The following PTPRG variants were observed in gnomAD, a reference collection of about 807,000 sequenced individuals.
PTPRG encodes protein tyrosine phosphatase receptor type G.
PTPRG carries 102 observed loss-of-function variants against 165.3 expected under a neutral mutation model. The ratio of observed to expected loss-of-function variants is 0.62; its 90% CI spans 0.53 to 0.73. The LOEUF (loss-of-function observed/expected upper bound fraction) is 0.73, where lower values mean the gene tolerates loss of function less well. PTPRG is among the 30% of genes least tolerant of loss of function. The probability of loss-of-function intolerance (pLI) is 0.00; values close to 1 mark genes in which losing one functional copy is unlikely to be tolerated. For missense variants in PTPRG, 1,866 were observed against 1,861.4 expected (o/e 1.00, Z -0.05); for synonymous variants, 675 against 669.5 (o/e 1.01, Z -0.13).
intron 5 of PTPRG, among the ~76,000 whole-genome samples, chr3:62,128,263 C>G (rs1318515606): frequency 6.6e-6 from 1 of 152,126 alleles, no homozygotes; most frequent in African/African-American, 2.4e-5. Context: ...ATTTTAAGCT[C>G]ATTTGTGCAA....
intron 2 of PTPRG, among the ~76,000 whole-genome samples, chr3:61,892,233 G>T (rs13100946): frequency 0.16 from 24,134 of 152,018 alleles, 4,069 homozygotes; most frequent in African/African-American, 0.43. Flanking sequence ...GTGATTTTTT[G>T]TTTCTTCTTT....
chr3:62,277,417 T>C, intron 25 of PTPRG, 134 bp from the exon 26 acceptor site: 1 of 1,010,452 alleles, frequency 9.9e-7, no homozygotes, highest in Non-Finnish European at 1.4e-6. Flanking sequence ...ATTAGCCAAA[T>C]GTACCGAATG....
rs576724363 is a variant in PTPRG at position 62,296,350 on chromosome 3, C to T, written c.*3043C>T. On this transcript the variant is annotated 3_prime_UTR_variant, in exon 30 of 30. Transcript: ENST00000474889. Reference sequence around the variant, plus strand: ...GGAGTTTTTAGCCCAGAGTGACATACTGAAATCAGTAAATAATTATTTTAT... The same window carrying T: ...GGAGTTTTTAGCCCAGAGTGACATATTGAAATCAGTAAATAATTATTTTAT... 2 of 151,864 alleles carry T rather than the reference C, an allele frequency of 1.3e-5. No homozygotes were observed. Among genetic ancestry groups the T allele is most frequent in the Non-Finnish European group, 2.9e-5 (2 of 67,962 alleles). 9.4% of individuals were successfully genotyped at this position (151,864 alleles called of 1,614,324 possible).
At chr3:61,933,436 A>C (rs752803009) in intron 2 of PTPRG, among the ~76,000 whole-genome samples, 49 of 152,180 alleles carry the variant, frequency 3.2e-4, no homozygotes, top group Non-Finnish European at 8.8e-5. Context: ...TCATCTATAA[A>C]ATAGTCATGA....
chr3:61,968,864 AAAG>A (rs2040328556), intron 2 of PTPRG, among the ~76,000 whole-genome samples: 1 of 152,192 alleles, frequency 6.6e-6, no homozygotes, highest in Non-Finnish European at 1.5e-5. Flanking sequence ...GGTCAACTTT[AAAG>A]AACATTTGTA....
At chr3:62,017,649 C>G (rs1054371949) in intron 4 of PTPRG, among the ~76,000 whole-genome samples, 2 of 151,230 alleles carry the variant, frequency 1.3e-5, no homozygotes, top group African/African-American at 4.9e-5. Flanking sequence ...TGGTCTCGAT[C>G]TCCTGACCTC....
At chr3:62,262,478 T>C (rs377319334) in intron 16 of PTPRG, 117 of 190,866 alleles carry the variant, frequency 6.1e-4, no homozygotes, top group African/African-American at 2.7e-3. Context: ...TTCATCATGT[T>C]TGACTATCTT....
intron 5 of PTPRG, among the ~76,000 whole-genome samples, chr3:62,088,745 A>G (rs764896421): frequency 2.0e-4 from 31 of 152,366 alleles, no homozygotes; most frequent in Non-Finnish European, 3.5e-4. Context: ...TAAAAAACTC[A>G]TAGGAAGATC....
At chr3:61,923,005 G>A (rs915980441) in intron 2 of PTPRG, among the ~76,000 whole-genome samples, 1 of 152,062 alleles carries the variant, frequency 6.6e-6, no homozygotes, top group African/African-American at 2.4e-5. Context: ...ACTACGCCTT[G>A]AATTTTCTTC....
intron 6 of PTPRG, among the ~76,000 whole-genome samples, chr3:62,149,297 A>G (rs890369444): frequency 7.0e-6 from 1 of 142,336 alleles, no homozygotes; most frequent in South Asian, 2.3e-4. Flanking sequence ...CCCTCAAGGC[A>G]AGAGTCTCAC....
chr3:61,652,420 C>T (rs73098799), intron 1 of PTPRG, among the ~76,000 whole-genome samples: 6,860 of 152,072 alleles, frequency 0.045, 237 homozygotes, highest in East Asian at 0.16. Flanking sequence ...TTTACCTCTG[C>T]CTGACTCTGA....
intron 4 of PTPRG, among the ~76,000 whole-genome samples, chr3:62,055,208 A>G (rs917936059): frequency 2.0e-5 from 3 of 152,236 alleles, no homozygotes; most frequent in Non-Finnish European, 2.9e-5. Flanking sequence ...TTAAAGCAGT[A>G]ATTAATATAG....
At chr3:62,001,764 A>G (rs897608592) in intron 3 of PTPRG, among the ~76,000 whole-genome samples, 5 of 152,240 alleles carry the variant, frequency 3.3e-5, no homozygotes, top group African/African-American at 1.2e-4. Flanking sequence ...TCAAATTTAA[A>G]TATCAGTGTG....
intron 5 of PTPRG, among the ~76,000 whole-genome samples, chr3:62,082,470 T>G (rs752980150): frequency 5.9e-5 from 9 of 152,326 alleles, no homozygotes; most frequent in Non-Finnish European, 1.0e-4. Flanking sequence ...GTGTTTATGA[T>G]TCTTTTCTTC....
rs74789197 is a variant in PTPRG, at chr3:62,142,117, G to C, written c.682+9449G>C. 3.1e-4 allele frequency among the ~76,000 whole-genome samples: 46 copies of C among 150,594 alleles called. No homozygotes were observed. In the East Asian group the frequency reaches 8.9e-3, roughly 29 times the overall value. ...AAGTTAAGCAAGGCAGGCTGAATGA[G>C]AACTGGCCTCAAATTCAAACCTAAT... On this transcript the variant is annotated intron_variant, in intron 6 of 29. Transcript: ENST00000474889.
chr3:62,164,477 A>T (rs1704891742), intron 7 of PTPRG, among the ~76,000 whole-genome samples: 1 of 152,152 alleles, frequency 6.6e-6, no homozygotes, highest in Non-Finnish European at 1.5e-5. Flanking sequence ...AATGCCGCCA[A>T]CCCACAGAAG....
rs1173192341 is a variant in PTPRG at position 61,621,051 on chromosome 3, A to ATGTGTG, written c.85+58701_85+58706dup. ...TGTGTGTGTATATATATATATATAT[A>ATGTGTG]TGTGTGTGTGTGTGTGTGTGTGTGT... On this transcript the variant is annotated intron_variant, in intron 1 of 29. Transcript: ENST00000474889. Among the ~76,000 whole-genome samples, 124 of 117,976 alleles carry ATGTGTG rather than the reference A, an allele frequency of 1.1e-3. 2 individuals are homozygous for ATGTGTG. The highest frequency in any genetic ancestry group is 3.4e-3 in the African/African-American group (114 of 33,510). The allele number at this position is 117,976 out of a possible 152,430, so 77.4% of individuals were successfully genotyped here.
intron 5 of PTPRG, among the ~76,000 whole-genome samples, chr3:62,094,465 G>T (rs975111309): frequency 1.3e-5 from 2 of 152,188 alleles, no homozygotes; most frequent in African/African-American, 4.8e-5. Context: ...ATGGTGCTAT[G>T]GTCGTGAGAG....
chr3:62,106,018 C>G (rs1702461911), intron 5 of PTPRG, among the ~76,000 whole-genome samples: 1 of 152,160 alleles, frequency 6.6e-6, no homozygotes, highest in Non-Finnish European at 1.5e-5. Context: ...AATATCAAGA[C>G]TGTATCACAG....
Sources: gnomAD v4.1 joint callset for allele counts (sites outside exome capture counted in the v4.1 genomes callset) on GRCh38, gnomAD v4.1.1 for gene constraint, MANE v1.5 for transcripts, NCBI Gene and HGNC (gene_info 2026-07-23, HGNC 2026-07-21) for gene names.